Variants in PCDHGA1 observed in about 807,000 individuals in gnomAD.
The protein encoded by PCDHGA1 is protocadherin gamma subfamily A, 1.
Under a neutral mutation model 58.0 loss-of-function variants are expected in PCDHGA1, and 32 were observed. The ratio of observed to expected loss-of-function variants is 0.55; its 90% CI spans 0.42 to 0.74. PCDHGA1 has a LOEUF of 0.74. PCDHGA1 is among the 30% of genes least tolerant of loss of function. The probability of loss-of-function intolerance (pLI) is 0.00; values close to 1 mark genes in which losing one functional copy is unlikely to be tolerated. For synonymous variants in PCDHGA1, 498 were observed against 501.1 expected (o/e 0.99, Z 0.08); for missense variants, 1,205 against 1,182.3 (o/e 1.02, Z -0.28).
chr5:141,485,821 T>C lies in PCDHGA1; in HGVS notation c.2422-8986T>C, dbSNP rs765768266. 4 of 1,614,134 alleles carry C rather than the reference T, an allele frequency of 2.5e-6. No homozygotes were observed. Among genetic ancestry groups the C allele is most frequent in the Admixed American group, 1.7e-5 (1 of 60,014 alleles). ...ACCGCCTGGTGCTGACTGCTGTCGATGGAGGGAACCCGCCGAGATCTGGCA... is the reference window on the plus strand; with the variant it reads ...ACCGCCTGGTGCTGACTGCTGTCGACGGAGGGAACCCGCCGAGATCTGGCA... On this transcript the variant is annotated intron_variant, in intron 1 of 3. Coordinates refer to ENST00000517417, the MANE Select transcript of PCDHGA1 (RefSeq NM_018912.3). This position sits in a 1 kb window ranked among gnomAD's most constrained non-coding sequence, Gnocchi z 5.7.
chr5:141,494,185 GAC>G (rs2099752607), intron 1 of PCDHGA1, among the ~76,000 whole-genome samples: 1 of 152,154 alleles, frequency 6.6e-6, no homozygotes, highest in Non-Finnish European at 1.5e-5. Context: ...AGTGTCCCGG[GAC>G]TTGGATGCCC....
At position 141,410,315 on chromosome 5, in the gene PCDHGA1, C is replaced by G. The variant is rs781293010; in HGVS notation, c.2421+77210C>G. 3 of 1,614,040 alleles carry G rather than the reference C, an allele frequency of 1.9e-6. No homozygotes were observed. In the East Asian group the frequency reaches 6.7e-5, roughly 36 times the overall value. On this transcript the variant is annotated intron_variant, in intron 1 of 3. Coordinates refer to ENST00000517417, the MANE Select transcript of PCDHGA1 (RefSeq NM_018912.3). ...GGCCTTAATCTCAGTGCTCTTCCTCCTCGCCGTGATTCTGGCCATTGCCTT... is the reference window on the plus strand; with the variant it reads ...GGCCTTAATCTCAGTGCTCTTCCTCGTCGCCGTGATTCTGGCCATTGCCTT...
intron 1 of PCDHGA1, chr5:141,415,504 C>G (rs1444248720): frequency 1.2e-6 from 2 of 1,614,216 alleles, no homozygotes; most frequent in South Asian, 2.2e-5. Flanking sequence ...CTTCCCCCAG[C>G]CCAATTATGC....
At chr5:141,372,345 C>T in intron 1 of PCDHGA1, 1 of 1,613,816 alleles carries the variant, frequency 6.2e-7, no homozygotes, top group Non-Finnish European at 8.5e-7. Flanking sequence ...TGATGGAGGA[C>T]AGCAGCCTCT....
chr5:141,413,671 G>A (rs2095665360), intron 1 of PCDHGA1: 13 of 1,613,878 alleles, frequency 8.1e-6, no homozygotes, highest in Non-Finnish European at 9.3e-6. Flanking sequence ...TGATCCGGAT[G>A]TGGGCGTGAA....
chr5:141,488,748 T>C (rs2099679003), intron 1 of PCDHGA1, among the ~76,000 whole-genome samples: 1 of 152,270 alleles, frequency 6.6e-6, no homozygotes, highest in African/African-American at 2.4e-5. Flanking sequence ...ATGCAGGAAG[T>C]TGCTGGGACA....
chr5:141,347,694 G>A (rs1189399790), intron 1 of PCDHGA1, among the ~76,000 whole-genome samples: 1 of 151,428 alleles, frequency 6.6e-6, no homozygotes, highest in Non-Finnish European at 1.5e-5. Flanking sequence ...AGCTGAGGCA[G>A]AAGAATTGCT....
intron 1 of PCDHGA1, among the ~76,000 whole-genome samples, chr5:141,492,336 A>G (rs1353947767): frequency 1.3e-5 from 2 of 152,072 alleles, no homozygotes; most frequent in East Asian, 3.9e-4. Context: ...TTACGCGAAT[A>G]CCAGCTTTCA....
Position 141,432,593 on chromosome 5 carries a change from A to G in PCDHGA1, c.2422-62214A>G, listed in dbSNP as rs2097518945. ...GCTGTCCTACCGTCTGCTCAAGGCC[A>G]GCGAGCCGGGACTCTTCTCGGTGGG... On this transcript the variant is annotated intron_variant, in intron 1 of 3. Transcript: ENST00000517417. The surrounding 1 kb of genome is among the most constrained non-coding windows in gnomAD (Gnocchi z 6.0). 6.2e-7 allele frequency: 1 copy of G among 1,612,958 alleles called. No individual in the cohort carries two copies. Among genetic ancestry groups the G allele is most frequent in the Non-Finnish European group, 8.5e-7 (1 of 1,179,834 alleles).
intron 2 of PCDHGA1, among the ~76,000 whole-genome samples, chr5:141,501,288 T>TAC (rs1562199973): frequency 3.7e-5 from 3 of 81,228 alleles, no homozygotes; most frequent in South Asian, 4.2e-4. Context: ...GATATTCCCT[T>TAC]ATACACACAC....
chr5:141,354,510 A>G (rs755155605), intron 1 of PCDHGA1, among the ~76,000 whole-genome samples: 7 of 152,228 alleles, frequency 4.6e-5, no homozygotes, highest in Non-Finnish European at 1.0e-4. Flanking sequence ...GTTTTTTGCA[A>G]GGGAATTGAA....
At chr5:141,407,615 A>T (rs780052436) in intron 1 of PCDHGA1, among the ~76,000 whole-genome samples, 2 of 152,140 alleles carry the variant, frequency 1.3e-5, no homozygotes, top group Non-Finnish European at 2.9e-5. Context: ...GCATTGGTTG[A>T]CATTCTATAT....
At chr5:141,380,929 C>T (rs1385655578) in intron 1 of PCDHGA1, among the ~76,000 whole-genome samples, 1 of 152,234 alleles carries the variant, frequency 6.6e-6, no homozygotes, top group East Asian at 1.9e-4. Flanking sequence ...AATAATCATA[C>T]ACTTTGCTTG....
intron 1 of PCDHGA1, among the ~76,000 whole-genome samples, chr5:141,451,830 G>A (rs940668278): frequency 6.6e-5 from 10 of 151,238 alleles, no homozygotes; most frequent in East Asian, 1.9e-4. Flanking sequence ...ACAGTGAGCC[G>A]AGATCACACC....
At chr5:141,445,148 C>A (rs1051995635) in intron 1 of PCDHGA1, among the ~76,000 whole-genome samples, 3 of 152,092 alleles carry the variant, frequency 2.0e-5, no homozygotes, top group Non-Finnish European at 4.4e-5. Context: ...TCTAATTGTT[C>A]ATTTCTAGTT....
intron 3 of PCDHGA1, among the ~76,000 whole-genome samples, chr5:141,506,189 G>A (rs529165145): frequency 3.6e-4 from 55 of 152,262 alleles, no homozygotes; most frequent in African/African-American, 1.1e-3. Flanking sequence ...GGTGGCTCAC[G>A]CCTGTAATCC....
chr5:141,393,578 GC>G, intron 1 of PCDHGA1: 1 of 1,613,930 alleles, frequency 6.2e-7, no homozygotes. Context: ...TTGAGAACAT[GC>G]CCCCAGGCAC....
chr5:141,345,933 G>T, intron 1 of PCDHGA1: 1 of 1,613,548 alleles, frequency 6.2e-7, no homozygotes, highest in Non-Finnish European at 8.5e-7. Context: ...AGCCCTGCTG[G>T]ACAGAGACGC....
intron 1 of PCDHGA1, chr5:141,475,937 C>G (rs970582600): frequency 2.8e-5 from 19 of 676,764 alleles, no homozygotes; most frequent in African/African-American, 1.8e-4. Context: ...GGCCCCTGCC[C>G]GTCCCCTTTC....
Sources: allele counts gnomAD v4.1 joint callset (sites outside exome capture counted in the v4.1 genomes callset), GRCh38; gene constraint gnomAD v4.1.1; non-coding constraint Gnocchi (gnomAD v3.1); transcripts MANE v1.5; gene names NCBI Gene and HGNC (gene_info 2026-07-23, HGNC 2026-07-21).